Variants in CACNA2D3 observed in about 807,000 individuals in gnomAD.
The protein encoded by CACNA2D3 is calcium voltage-gated channel auxiliary subunit alpha2delta 3, also known as voltage-dependent calcium channel subunit alpha-2/delta-3.
CACNA2D3 carries 60 observed loss-of-function variants against 160.6 expected under a neutral mutation model. That is an observed-to-expected ratio of 0.37 (90% CI 0.30 to 0.46). The LOEUF (loss-of-function observed/expected upper bound fraction) is 0.46, where lower values mean the gene tolerates loss of function less well. Among genes scored for constraint, CACNA2D3 ranks in the 20% least tolerant of loss-of-function variants. CACNA2D3 has a pLI of 1.00. For missense variants in CACNA2D3, 1,205 were observed against 1,365.0 expected (o/e 0.88, Z 1.85); for synonymous variants, 558 against 492.9 (o/e 1.13, Z -1.75).
intron 28 of CACNA2D3, among the ~76,000 whole-genome samples, chr3:54,969,439 T>G (rs1702223959): frequency 6.6e-6 from 1 of 152,034 alleles, no homozygotes; most frequent in African/African-American, 2.4e-5. Flanking sequence ...TTTGTATGTT[T>G]TAGTAGAGAT....
chr3:54,864,080 G>T (rs1699350561), intron 17 of CACNA2D3, among the ~76,000 whole-genome samples: 1 of 152,068 alleles, frequency 6.6e-6, no homozygotes, highest in Non-Finnish European at 1.5e-5. Context: ...GAGAAATCTG[G>T]GCTGTCAGGG....
intron 11 of CACNA2D3, among the ~76,000 whole-genome samples, chr3:54,735,733 A>G (rs1176431480): frequency 6.6e-6 from 1 of 151,958 alleles, no homozygotes; most frequent in African/African-American, 2.4e-5. Context: ...TCACCATTAT[A>G]TTCCTAGTAC....
chr3:55,009,586 G>C (rs3773570), intron 34 of CACNA2D3, 143 bp downstream of exon 34: 529,148 of 724,088 alleles, frequency 0.73, 196,794 homozygotes, highest in Non-Finnish European at 0.76. Flanking sequence ...CAAAAAGCCA[G>C]CCTTTGTGCT....
intron 11 of CACNA2D3, 81 bp downstream of exon 11, chr3:54,642,322 G>A (rs1293091614): frequency 2.7e-6 from 2 of 740,154 alleles, no homozygotes; most frequent in East Asian, 3.0e-5. Flanking sequence ...ATGAGTAAGT[G>A]CCTCATGTAG....
At chr3:54,172,508 G>T (rs1184275186) in intron 2 of CACNA2D3, among the ~76,000 whole-genome samples, 1 of 152,220 alleles carries the variant, frequency 6.6e-6, no homozygotes, top group East Asian at 1.9e-4. Flanking sequence ...CGTAAACCCA[G>T]CTGGGCAAGT....
intron 9 of CACNA2D3, among the ~76,000 whole-genome samples, chr3:54,624,952 T>C (rs1240366890): frequency 1.3e-4 from 20 of 152,250 alleles, no homozygotes; most frequent in Admixed American, 1.3e-3. Context: ...CCTGCCCAAC[T>C]ACAGCTGGGA....
intron 9 of CACNA2D3, among the ~76,000 whole-genome samples, chr3:54,604,440 G>A (rs911399434): frequency 1.3e-5 from 2 of 152,166 alleles, no homozygotes; most frequent in African/African-American, 4.8e-5. Context: ...AGGAATGTAA[G>A]TTTCTTGTAT....
intron 4 of CACNA2D3, among the ~76,000 whole-genome samples, chr3:54,490,371 C>A (rs1396407259): frequency 6.6e-6 from 1 of 152,188 alleles, no homozygotes; most frequent in Non-Finnish European, 1.5e-5. Flanking sequence ...CCGGGCCATA[C>A]CAGGCCGGTT....
intron 4 of CACNA2D3, among the ~76,000 whole-genome samples, chr3:54,481,813 G>A (rs1270227810): frequency 6.6e-6 from 1 of 152,168 alleles, no homozygotes; most frequent in Admixed American, 6.5e-5. Flanking sequence ...GTCTGTGTTA[G>A]TTTATATAAA....
At chr3:54,654,290 G>T (rs1219629657) in intron 11 of CACNA2D3, among the ~76,000 whole-genome samples, 1 of 152,100 alleles carries the variant, frequency 6.6e-6, no homozygotes, top group African/African-American at 2.4e-5. Flanking sequence ...GGGGTTTTGA[G>T]GGGGTTAGGG....
intron 3 of CACNA2D3, among the ~76,000 whole-genome samples, chr3:54,325,501 G>A (rs1421107513): frequency 6.6e-6 from 1 of 152,090 alleles, no homozygotes; most frequent in Non-Finnish European, 1.5e-5. Context: ...ATTTGAGCTG[G>A]ACTTAGAACC....
intron 11 of CACNA2D3, among the ~76,000 whole-genome samples, chr3:54,682,183 A>ACG (rs1037331603): frequency 1.3e-5 from 2 of 152,036 alleles, no homozygotes; most frequent in African/African-American, 4.8e-5. Context: ...ACACACACAC[A>ACG]CACACACACA....
chr3:54,992,469 A>G (rs774538472), intron 31 of CACNA2D3, among the ~76,000 whole-genome samples: 12 of 152,054 alleles, frequency 7.9e-5, no homozygotes, highest in Non-Finnish European at 1.5e-4. Flanking sequence ...GCAGGACACA[A>G]TCAGCTGGCA....
chr3:54,127,928 TA>T (rs58369610), intron 2 of CACNA2D3, among the ~76,000 whole-genome samples: 57,080 of 151,452 alleles, frequency 0.38, 10,957 homozygotes, highest in East Asian at 0.6. Context: ...TCTTTTCCTT[TA>T]ACTTGTTTTT....
intron 4 of CACNA2D3, among the ~76,000 whole-genome samples, chr3:54,422,192 G>T (rs1351620462): frequency 1.3e-5 from 2 of 152,276 alleles, no homozygotes; most frequent in African/African-American, 2.4e-5. Context: ...GGGTGGTTCT[G>T]GTCCCTGGGC....
intron 13 of CACNA2D3, among the ~76,000 whole-genome samples, chr3:54,796,828 G>C (rs1559584877): frequency 6.6e-6 from 1 of 152,148 alleles, no homozygotes. Context: ...TTTCATAGGA[G>C]TAAGGAAATG....
chr3:54,662,875 A>G (rs898927094), intron 11 of CACNA2D3, among the ~76,000 whole-genome samples: 1 of 152,238 alleles, frequency 6.6e-6, no homozygotes, highest in Non-Finnish European at 1.5e-5. Context: ...TTGATGACCA[A>G]CTTAGGCTTG....
intron 2 of CACNA2D3, among the ~76,000 whole-genome samples, chr3:54,293,995 G>A (rs929093380): frequency 1.1e-4 from 17 of 152,250 alleles, no homozygotes; most frequent in Middle Eastern, 3.4e-3. Context: ...AGGGGGAGAA[G>A]GAGAAATTTT....
At chr3:54,271,571 C>A (rs1326679903) in intron 2 of CACNA2D3, among the ~76,000 whole-genome samples, 1 of 152,210 alleles carries the variant, frequency 6.6e-6, no homozygotes, top group Admixed American at 6.5e-5. Context: ...GGAGTGGGTT[C>A]AGTTTTCAAG....
Sources: gnomAD v4.1 joint callset for allele counts (sites outside exome capture counted in the v4.1 genomes callset) on GRCh38, gnomAD v4.1.1 for gene constraint, MANE v1.5 for transcripts, NCBI Gene and HGNC (gene_info 2026-07-23, HGNC 2026-07-21) for gene names.